The following CPA6 variants were observed in gnomAD, a reference collection of about 807,000 sequenced individuals.
The protein encoded by CPA6 is carboxypeptidase B.
Under a neutral mutation model 63.3 loss-of-function variants are expected in CPA6, and 58 were observed. That is an observed-to-expected ratio of 0.92 (90% CI 0.74 to 1.14). CPA6 has a LOEUF of 1.14. CPA6 is among the 50% of genes most tolerant of loss of function. The pLI, the probability that CPA6 is intolerant of heterozygous loss-of-function variation, is 0.00. For missense variants in CPA6, 565 were observed against 526.6 expected (o/e 1.07, Z -0.71); for synonymous variants, 185 against 179.0 (o/e 1.03, Z -0.27).
chr8:67,611,368 G>A (rs910288542), intron 2 of CPA6, among the ~76,000 whole-genome samples: 2 of 152,126 alleles, frequency 1.3e-5, no homozygotes, highest in African/African-American at 2.4e-5. Context: ...ACAGGTGTGA[G>A]GGATTACACC....
At chr8:67,717,460 T>C (rs916261146) in intron 1 of CPA6, among the ~76,000 whole-genome samples, 2 of 152,166 alleles carry the variant, frequency 1.3e-5, no homozygotes, top group African/African-American at 2.4e-5. Flanking sequence ...CTCTATAAAA[T>C]TCTTCAAAAA....
At chr8:67,642,649 A>G (rs1420784369) in intron 1 of CPA6, among the ~76,000 whole-genome samples, 1 of 152,208 alleles carries the variant, frequency 6.6e-6, no homozygotes, top group African/African-American at 2.4e-5. Flanking sequence ...CCAATATATC[A>G]GAAGCAGATC....
chr8:67,528,068 G>A (rs2128968414), intron 2 of CPA6, among the ~76,000 whole-genome samples: 1 of 152,278 alleles, frequency 6.6e-6, no homozygotes, highest in East Asian at 1.9e-4. Context: ...TTTACCGAAA[G>A]CCTGCAGAAT....
At chr8:67,544,703 G>T (rs1412999365) in intron 2 of CPA6, among the ~76,000 whole-genome samples, 2 of 152,126 alleles carry the variant, frequency 1.3e-5, no homozygotes, top group Non-Finnish European at 2.9e-5. Context: ...TCTGTTTCTT[G>T]TTCTTTGATG....
intron 6 of CPA6, among the ~76,000 whole-genome samples, chr8:67,487,905 GT>G (rs1196130789): frequency 6.6e-6 from 1 of 152,076 alleles, no homozygotes; most frequent in Non-Finnish European, 1.5e-5. Flanking sequence ...TGATGGGATT[GT>G]TTTTTTCTTG....
intron 2 of CPA6, among the ~76,000 whole-genome samples, chr8:67,568,775 A>C (rs1295814487): frequency 6.6e-6 from 1 of 152,156 alleles, no homozygotes; most frequent in Admixed American, 6.5e-5. Flanking sequence ...TTAGAGGCAG[A>C]GTTTTGCTCT....
intron 3 of CPA6, among the ~76,000 whole-genome samples, chr8:67,515,431 A>C (rs1812123463): frequency 6.6e-6 from 1 of 152,098 alleles, no homozygotes; most frequent in Non-Finnish European, 1.5e-5. Flanking sequence ...TTCTTGCCGC[A>C]TCAGACATTT....
intron 1 of CPA6, among the ~76,000 whole-genome samples, chr8:67,655,024 G>A (rs1026376153): frequency 1.3e-5 from 2 of 152,112 alleles, no homozygotes; most frequent in Non-Finnish European, 1.5e-5. Context: ...AAATTAGTTA[G>A]CATACAGGCA....
chr8:67,567,570 A>G (rs1813370394), intron 2 of CPA6, among the ~76,000 whole-genome samples: 1 of 152,260 alleles, frequency 6.6e-6, no homozygotes, highest in Non-Finnish European at 1.5e-5. Context: ...TCCCCTCCAC[A>G]GGAAAATCAA....
rs138775601 is a variant in CPA6 at position 67,466,874 on chromosome 8, T to C, written c.838+16894A>G. ...CCCTATGTTTATAGTAATGTGTATG[T>C]ATCATACACACATATCTGTCACGTA... On this transcript the variant is annotated intron_variant, in intron 8 of 10. Transcript: ENST00000297770. Among the ~76,000 whole-genome samples the C allele has an allele frequency of 3.0e-3, 460 of 152,334 alleles. 4 individuals carry two copies. Among genetic ancestry groups the C allele is most frequent in the African/African-American group, 0.01 (433 of 41,576 alleles).
At chr8:67,575,459 A>G (rs1484495027) in intron 2 of CPA6, among the ~76,000 whole-genome samples, 1 of 152,246 alleles carries the variant, frequency 6.6e-6, no homozygotes, top group Non-Finnish European at 1.5e-5. Flanking sequence ...CCCTATTCAC[A>G]ATAGTCAAGA....
intron 2 of CPA6, 137 bp from the exon 3 acceptor site, chr8:67,518,184 T>C: frequency 1.4e-6 from 1 of 719,036 alleles, no homozygotes; most frequent in Non-Finnish European, 2.1e-6. Flanking sequence ...GCTTGCATCA[T>C]CAGGGTAAAA....
chr8:67,575,952 T>C (rs988434746), intron 2 of CPA6, among the ~76,000 whole-genome samples: 1 of 151,612 alleles, frequency 6.6e-6, no homozygotes, highest in Non-Finnish European at 1.5e-5. Flanking sequence ...AGACAAATAA[T>C]ACATGTTCTC....
At chr8:67,699,455 G>A (rs1816975364) in intron 1 of CPA6, among the ~76,000 whole-genome samples, 1 of 151,844 alleles carries the variant, frequency 6.6e-6, no homozygotes, top group African/African-American at 2.4e-5. Flanking sequence ...AACAAAACAG[G>A]AGGGGGGGAT....
intron 2 of CPA6, among the ~76,000 whole-genome samples, chr8:67,535,324 T>C (rs894136341): frequency 1.4e-4 from 22 of 152,174 alleles, no homozygotes; most frequent in Non-Finnish European, 2.6e-4. Flanking sequence ...CTTCCACCAA[T>C]AGTGTAAAAG....
intron 1 of CPA6, among the ~76,000 whole-genome samples, chr8:67,728,650 C>A (rs556989436): frequency 8.5e-4 from 129 of 152,338 alleles, no homozygotes; most frequent in Non-Finnish European, 1.5e-3. Flanking sequence ...AGTATTAATA[C>A]TGCAAATAGC....
intron 2 of CPA6, among the ~76,000 whole-genome samples, chr8:67,565,036 A>G (rs987264867): frequency 2.0e-5 from 3 of 152,236 alleles, no homozygotes; most frequent in African/African-American, 7.2e-5. Flanking sequence ...CAGTTACGCC[A>G]TCTGAATTAA....
At chr8:67,687,848 A>G (rs1259918029) in intron 1 of CPA6, among the ~76,000 whole-genome samples, 1 of 152,206 alleles carries the variant, frequency 6.6e-6, no homozygotes, top group Non-Finnish European at 1.5e-5. Context: ...TTTAAGGAAC[A>G]ATGTAAACTA....
chr8:67,742,532 A>G (rs918474729), intron 1 of CPA6, among the ~76,000 whole-genome samples: 3 of 152,134 alleles, frequency 2.0e-5, no homozygotes, highest in Non-Finnish European at 2.9e-5. Context: ...GAGGATAACA[A>G]ATGCATAAGG....
Sources: allele counts gnomAD v4.1 joint callset (sites outside exome capture counted in the v4.1 genomes callset), GRCh38; gene constraint gnomAD v4.1.1; transcripts MANE v1.5; gene names NCBI Gene and HGNC (gene_info 2026-07-23, HGNC 2026-07-21).